INSR: variants seen among roughly 807,000 people sequenced by gnomAD.
The protein encoded by INSR is insulin receptor.
A neutral mutation model predicts 142.6 loss-of-function variants in INSR; 67 were observed. That is an observed-to-expected ratio of 0.47 (90% CI 0.39 to 0.58). INSR has a LOEUF of 0.58. Ranked by LOEUF, INSR falls within the 20% of genes least tolerant of loss-of-function variation. INSR has a pLI of 0.00. For synonymous variants in INSR, 756 were observed against 743.1 expected (o/e 1.02, Z -0.28); for missense variants, 1,248 against 1,833.2 (o/e 0.68, Z 5.83).
At chr19:7,206,365 G>A (rs1054673697) in intron 2 of INSR, among the ~76,000 whole-genome samples, 3 of 152,158 alleles carry the variant, frequency 2.0e-5, no homozygotes, top group African/African-American at 7.2e-5. Context: ...AGCAGACGGG[G>A]TTTGGCCATG....
chr19:7,257,676 G>T (rs913788860), intron 2 of INSR, among the ~76,000 whole-genome samples: 1 of 150,772 alleles, frequency 6.6e-6, no homozygotes, highest in African/African-American at 2.4e-5. Flanking sequence ...AAGGAAGGAA[G>T]AAAGGAAGGA....
chr19:7,153,219 ACACG>A (rs1568449651), intron 9 of INSR, among the ~76,000 whole-genome samples: 8 of 37,494 alleles, frequency 2.1e-4, no homozygotes, highest in Non-Finnish European at 2.9e-4. Flanking sequence ...CACACCACAC[ACACG>A]CACCACACAC....
chr19:7,279,173 C>T (rs111930878), intron 1 of INSR, among the ~76,000 whole-genome samples: 9 of 151,164 alleles, frequency 6.0e-5, no homozygotes, highest in African/African-American at 2.2e-4. Flanking sequence ...ATAAATATCC[C>T]TCTAGACAGG....
intron 2 of INSR, among the ~76,000 whole-genome samples, chr19:7,244,295 G>C (rs745895187): frequency 2.6e-5 from 4 of 152,184 alleles, no homozygotes; most frequent in Non-Finnish European, 4.4e-5. Context: ...CACTTTGGGA[G>C]GCCGAAGTGG....
At chr19:7,273,361 G>A (rs1488983391) in intron 1 of INSR, among the ~76,000 whole-genome samples, 4 of 152,128 alleles carry the variant, frequency 2.6e-5, no homozygotes, top group South Asian at 2.1e-4. Flanking sequence ...AAATAGACAC[G>A]AGGACTTCTG....
At chr19:7,176,055 T>C (rs1974128233) in intron 3 of INSR, among the ~76,000 whole-genome samples, 2 of 152,126 alleles carry the variant, frequency 1.3e-5, no homozygotes, top group South Asian at 4.1e-4. Context: ...ATTCACACCA[T>C]ATCCCATGGA....
At position 7,293,778 on chromosome 19, in the gene INSR, GC is replaced by G. The variant is rs900423043; in HGVS notation, c.100+13del. ...CGCGGCGCTCCCCGCCCACGCCCGC[GC>G]CCCCAGACTCACCCTCTCCGGGGTA... On this transcript the variant is annotated intron_variant, in intron 1 of 21. Coordinates refer to ENST00000302850, the MANE Select transcript of INSR (RefSeq NM_000208.4). The G allele has an allele frequency of 2.2e-6, 3 of 1,338,206 alleles. No individual in the cohort carries two copies. The highest frequency in any genetic ancestry group is 1.9e-5 in the South Asian group (1 of 52,922). The allele number at this position is 1,338,206 out of a possible 1,614,324, so 82.9% of individuals were successfully genotyped here. A position where few individuals can be genotyped will look rare whatever the true frequency, so the allele number is the denominator to read the frequency against.
chr19:7,285,388 T>C (rs1488913720), intron 1 of INSR, among the ~76,000 whole-genome samples: 2 of 152,030 alleles, frequency 1.3e-5, no homozygotes, highest in Admixed American at 1.3e-4. Context: ...AAGCAGAGGT[T>C]GCAGTGAACC....
At chr19:7,130,500 G>A (rs530227952) in intron 14 of INSR, among the ~76,000 whole-genome samples, 10 of 152,252 alleles carry the variant, frequency 6.6e-5, no homozygotes, top group East Asian at 1.9e-4. Flanking sequence ...TCATGGAGGC[G>A]GTTTCTAATG....
chr19:7,170,742 G>A lies in INSR; in HGVS notation c.1278C>T (p.Ser426=). Residue 426 remains serine, a synonymous_variant, in exon 6 of 22, where the codon TCC becomes TCT. Transcript: ENST00000302850. ...RGETLEIGNY[S]FYALDNQNLR... ...GGTTCTGGTTGTCCAAGGCATAGAA[G>A]GAGTAGTTCCTATGGAAAAAACACA... 1 of 1,613,460 alleles carries A rather than the reference G, an allele frequency of 6.2e-7. No homozygotes were observed. The highest frequency in any genetic ancestry group is 1.1e-5 in the South Asian group (1 of 91,058).
rs1174750083 is a variant in INSR, at chr19:7,119,240, T to C, written c.3794+209A>G. Among the ~76,000 whole-genome samples, 1 of 152,202 alleles carries C rather than the reference T, an allele frequency of 6.6e-6. No homozygotes were observed. The highest frequency in any genetic ancestry group is 1.5e-5 in the Non-Finnish European group (1 of 68,048). On this transcript the variant is annotated intron_variant, in intron 21 of 21. Coordinates refer to ENST00000302850, the MANE Select transcript of INSR (RefSeq NM_000208.4). This position sits in a 1 kb window ranked among gnomAD's most constrained non-coding sequence, Gnocchi z 5.2. The stretch of plus-strand genomic sequence containing the variant: ...AACGTAAGCGTACATGTAGCACATA[T>C]GGGAACTCAAGTGTGTGTACCACAA...
At chr19:7,217,718 C>G (rs1975479393) in intron 2 of INSR, among the ~76,000 whole-genome samples, 2 of 152,192 alleles carry the variant, frequency 1.3e-5, no homozygotes, top group African/African-American at 4.8e-5. Context: ...CGCCACCACA[C>G]CTGGCTAATT....
chr19:7,155,787 G>A (rs966969775), intron 9 of INSR, among the ~76,000 whole-genome samples: 11 of 151,542 alleles, frequency 7.3e-5, no homozygotes, highest in Admixed American at 5.9e-4. Flanking sequence ...GGTGGTGTGC[G>A]CCTGTAATCC....
intron 1 of INSR, among the ~76,000 whole-genome samples, chr19:7,269,590 C>T (rs1024511882): frequency 1.4e-5 from 2 of 146,810 alleles, no homozygotes; most frequent in African/African-American, 5.1e-5. Flanking sequence ...CCAGTCCCAG[C>T]CCCCCCACCC....
rs35025189 is a variant in INSR, at chr19:7,194,508, C to CTT, written c.653-9873_653-9872dup. Reference sequence around the variant, plus strand: ...GGAGTGTGTTTTAATAATAGCTTTGCTTTTTTTTTTTTTTTTTTTTTTGAG... The same window carrying CTT: ...GGAGTGTGTTTTAATAATAGCTTTGCTTTTTTTTTTTTTTTTTTTTTTTTGAG... On this transcript the variant is annotated intron_variant, in intron 2 of 21. Transcript: ENST00000302850. Among the ~76,000 whole-genome samples the CTT allele has an allele frequency of 3.1e-3, 225 of 73,560 alleles. 5 individuals are homozygous for CTT. The highest frequency in any genetic ancestry group is 7.5e-3 in the African/African-American group (135 of 17,882). The allele number at this position is 73,560 out of a possible 152,430, so 48.3% of individuals were successfully genotyped here.
At chr19:7,143,238 G>A (rs2144863135) in intron 11 of INSR, 148 bp from the exon 12 acceptor site, 2 of 889,426 alleles carry the variant, frequency 2.2e-6, no homozygotes, top group East Asian at 5.2e-5. Flanking sequence ...AATACAGACT[G>A]CCAGGAATGA....
intron 15 of INSR, among the ~76,000 whole-genome samples, chr19:7,128,524 C>A (rs1200196435): frequency 2.0e-5 from 3 of 151,990 alleles, no homozygotes; most frequent in Non-Finnish European, 4.4e-5. Context: ...AAGTCCTACT[C>A]CTTAATGTAA....
intron 17 of INSR, 159 bp from the exon 18 acceptor site, chr19:7,123,148 G>A (rs1972535918): frequency 1.6e-6 from 1 of 641,462 alleles, no homozygotes; most frequent in Admixed American, 2.6e-5. Context: ...TGCCCGGACA[G>A]CAGACAGATA....
At chr19:7,140,144 G>C (rs16994171) in intron 13 of INSR, among the ~76,000 whole-genome samples, 2,807 of 152,246 alleles carry the variant, frequency 0.018, 50 homozygotes, top group African/African-American at 0.044. Flanking sequence ...GATCTCAATT[G>C]TAAATTATTG....
Sources: gnomAD v4.1 joint callset for allele counts (sites outside exome capture counted in the v4.1 genomes callset) on GRCh38, gnomAD v4.1.1 for gene constraint, Gnocchi (gnomAD v3.1) non-coding constraint, MANE v1.5 for transcripts, NCBI Gene and HGNC (gene_info 2026-07-23, HGNC 2026-07-21) for gene names.